Variants in N4BP2 observed in about 807,000 individuals in gnomAD.
The protein encoded by N4BP2 is NEDD4-binding protein 2.
Under a neutral mutation model 152.8 loss-of-function variants are expected in N4BP2, and 91 were observed. The observed-to-expected ratio is 0.60, with a 90% CI of 0.50 to 0.71. N4BP2 has a LOEUF of 0.71. Among genes scored for constraint, N4BP2 ranks in the 30% least tolerant of loss-of-function variants. The probability of loss-of-function intolerance (pLI) is 0.00; values close to 1 mark genes in which losing one functional copy is unlikely to be tolerated. For synonymous variants in N4BP2, 646 were observed against 705.3 expected (o/e 0.92, Z 1.33); for missense variants, 1,923 against 2,059.1 (o/e 0.93, Z 1.28).
At chr4:40,111,252 C>T (rs948938511) in intron 5 of N4BP2, among the ~76,000 whole-genome samples, 3 of 152,130 alleles carry the variant, frequency 2.0e-5, no homozygotes, top group African/African-American at 7.2e-5. Context: ...TTATTATTAA[C>T]TAAACTCAAG....
In N4BP2 at chr4:40,102,689, G is replaced by T. The variant is rs1253077672; in HGVS notation, c.844G>T (p.Ala282Ser). 8 of 1,614,038 alleles carry T rather than the reference G, an allele frequency of 5.0e-6. No homozygotes were observed. Among genetic ancestry groups the T allele is most frequent in the Non-Finnish European group, 5.9e-6 (7 of 1,180,040 alleles). ...SECVEAQFSE[A>S]PVDLDASEPQ... is the part of the protein sequence containing the mutation. ...GTGCGTTGAGGCTCAATTCTCTGAA[G>T]CTCCTGTAGATTTGGATGCCAGTGA... The change falls in exon 4 of 18, where the codon GCT becomes TCT. Residue 282 changes from alanine to serine, a missense_variant. Transcript: ENST00000261435.
downstream of N4BP2, among the ~76,000 whole-genome samples, chr4:40,159,666 C>T (rs900577109): frequency 1.1e-4 from 17 of 152,168 alleles, no homozygotes; most frequent in East Asian, 3.9e-4. Context: ...TATCTAGCTG[C>T]GAGGGAGGCT....
At chr4:40,085,241 G>A (rs1713824479) in intron 2 of N4BP2, among the ~76,000 whole-genome samples, 1 of 151,670 alleles carries the variant, frequency 6.6e-6, no homozygotes, top group Non-Finnish European at 1.5e-5. Context: ...ATGGGGTTTG[G>A]CCATGTTGAC....
At chr4:40,189,997 T>C in the N4BP2 span, among the ~76,000 whole-genome samples, 1 of 152,088 alleles carries the variant, frequency 6.6e-6, no homozygotes, top group South Asian at 2.1e-4. This position sits in a 1 kb window ranked among gnomAD's most constrained non-coding sequence, Gnocchi z 4.3. Flanking sequence ...TTTAAAAGAC[T>C]TTACATTTTT....
rs142480188 is a variant in N4BP2 at position 40,120,432 on chromosome 4, C to T, written c.2321C>T (p.Ser774Leu). 7 of 1,613,814 alleles carry T rather than the reference C, an allele frequency of 4.3e-6. No homozygotes were observed. The African/African-American group carries it at 5.3e-5, about 12-fold the overall frequency. The change falls in exon 9 of 18, where the codon TCG (serine) becomes TTG (leucine). Residue 774 changes from serine (S) to leucine (L), a missense_variant. Coordinates refer to ENST00000261435, the MANE Select transcript of N4BP2 (RefSeq NM_018177.6). ...KKAFGKQKSK[S>L]TLEKFPRHEL... ...GCCTTTGGGAAACAAAAAAGCAAAT[C>T]GACTTTGGAAAAGTTCCCAAGACAT...
chr4:40,128,342 C>T (rs530609418), intron 12 of N4BP2, among the ~76,000 whole-genome samples: 42 of 152,286 alleles, frequency 2.8e-4, no homozygotes, highest in Admixed American at 9.8e-4. Context: ...ATAGGGATTG[C>T]TCTACCTTCA....
At chr4:40,105,741 G>T (rs1247384742) in intron 4 of N4BP2, among the ~76,000 whole-genome samples, 1 of 152,002 alleles carries the variant, frequency 6.6e-6, no homozygotes, top group African/African-American at 2.4e-5. Context: ...TGTAGAGACA[G>T]AGTCTTACCA....
intron 13 of N4BP2, among the ~76,000 whole-genome samples, chr4:40,136,387 T>TATCTATC (rs1560632014): frequency 6.8e-6 from 1 of 146,722 alleles, no homozygotes. Flanking sequence ...TCTATCTATC[T>TATCTATC]ATCTATCTTT....
intron 2 of N4BP2, chr4:40,083,000 G>T: frequency 4.0e-6 from 1 of 252,530 alleles, no homozygotes; most frequent in East Asian, 1.1e-4. Flanking sequence ...GCACCCGGCC[G>T]GGCTGTATTC....
chr4:40,091,782 A>G (rs1421997137), intron 2 of N4BP2, among the ~76,000 whole-genome samples: 1 of 146,874 alleles, frequency 6.8e-6, no homozygotes. Context: ...CTAATTTTAA[A>G]TTTTTTTGTA....
intron 2 of N4BP2, among the ~76,000 whole-genome samples, chr4:40,089,959 A>G (rs1427186269): frequency 6.6e-6 from 1 of 152,210 alleles, no homozygotes; most frequent in Admixed American, 6.5e-5. Flanking sequence ...AAGGGTAAGC[A>G]TGAGACTTAG....
chr4:40,123,036 G>C (rs1472049452), intron 9 of N4BP2, 91 bp from the exon 10 acceptor site: 1 of 721,696 alleles, frequency 1.4e-6, no homozygotes, highest in Non-Finnish European at 2.4e-6. Context: ...GTACAAGTTA[G>C]TTTTGTGATG....
At chr4:40,088,414 T>A (rs1475050463) in intron 2 of N4BP2, among the ~76,000 whole-genome samples, 1 of 152,168 alleles carries the variant, frequency 6.6e-6, no homozygotes, top group Non-Finnish European at 1.5e-5. Context: ...CCATAAGTGA[T>A]GTTGTTTCTT....
intron 3 of N4BP2, among the ~76,000 whole-genome samples, chr4:40,101,218 G>A (rs1300127562): frequency 1.3e-5 from 2 of 152,066 alleles, no homozygotes; most frequent in African/African-American, 4.8e-5. Flanking sequence ...GTGCAGTGGC[G>A]CGATCTCTGC....
chr4:40,070,825 T>A (rs1056361596), intron 1 of N4BP2, among the ~76,000 whole-genome samples: 1 of 152,038 alleles, frequency 6.6e-6, no homozygotes, highest in African/African-American at 2.4e-5. Context: ...GGTGTTTTTT[T>A]TTCTTCTTTT....
chr4:40,087,300 T>G (rs1352852905), intron 2 of N4BP2, among the ~76,000 whole-genome samples: 3 of 151,980 alleles, frequency 2.0e-5, no homozygotes, highest in African/African-American at 7.2e-5. Context: ...AGGGGAAGCT[T>G]CTTGTGTTAA....
intron 12 of N4BP2, among the ~76,000 whole-genome samples, chr4:40,131,337 G>T (rs1718886775): frequency 6.6e-6 from 1 of 152,166 alleles, no homozygotes; most frequent in South Asian, 2.1e-4. Context: ...TGTAGCAATT[G>T]TACAGGATTT....
At chr4:40,080,507 T>A (rs577804535) in intron 2 of N4BP2, among the ~76,000 whole-genome samples, 1 of 151,836 alleles carries the variant, frequency 6.6e-6, no homozygotes, top group South Asian at 2.1e-4. Flanking sequence ...CAGCTAATTT[T>A]TTGTATTTTA....
intron 13 of N4BP2, 91 bp from the exon 14 acceptor site, chr4:40,136,850 ATTC>A (rs1357129921): frequency 1.1e-5 from 10 of 897,996 alleles, no homozygotes; most frequent in Non-Finnish European, 1.5e-5. Context: ...AGTTTTTCAT[ATTC>A]TTGTAAGATG....
Sources: allele counts gnomAD v4.1 joint callset (sites outside exome capture counted in the v4.1 genomes callset), GRCh38; gene constraint gnomAD v4.1.1; non-coding constraint Gnocchi (gnomAD v3.1); transcripts MANE v1.5; gene names NCBI Gene and HGNC (gene_info 2026-07-23, HGNC 2026-07-21).